ZNF347: variants seen among roughly 807,000 people sequenced by gnomAD.
The protein encoded by ZNF347 is zinc finger protein 347.
In ZNF347, 19 loss-of-function variants were observed where a neutral mutation model predicts 12.9. The ratio of observed to expected loss-of-function variants is 1.47; its 90% confidence interval spans 1.03 to 2.16. ZNF347 has a LOEUF of 2.16. Ranked by LOEUF, ZNF347 falls within the 30% of genes most tolerant of loss-of-function variation. The probability of loss-of-function intolerance (pLI) is 0.00; values close to 1 mark genes in which losing one functional copy is unlikely to be tolerated. For missense variants in ZNF347, 1,005 were observed against 990.6 expected, an observed-to-expected ratio of 1.01 and a Z score of -0.19; for synonymous variants, 328 against 340.6, an observed-to-expected ratio of 0.96 and a Z score of 0.41.
At chr19:53,149,937 C>T (rs1422162583) in intron 2 of ZNF347, among the ~76,000 whole-genome samples, 1 of 152,074 alleles carries the variant, frequency 6.6e-6, no homozygotes, top group African/African-American at 2.4e-5. Context: ...ATACCTTACC[C>T]AATAGACTGC....
At chr19:53,154,910 T>C (rs2090521949) in intron 1 of ZNF347, among the ~76,000 whole-genome samples, 1 of 151,058 alleles carries the variant, frequency 6.6e-6, no homozygotes, top group Non-Finnish European at 1.5e-5. Flanking sequence ...GAGTACTTAC[T>C]ACAGACTGAA....
rs1568632525 is a variant in ZNF347 at position 53,135,327 on chromosome 19, T to TAGAG, written c.*4980_*4981insCTCT. 2 of 42,644 alleles carry TAGAG rather than the reference T, an allele frequency of 4.7e-5. No individual in the cohort carries two copies. The highest frequency in any genetic ancestry group is 2.6e-4 in the Admixed American group (1 of 3,906). 2.6% of individuals were successfully genotyped at this position (42,644 alleles called of 1,614,324 possible). A position where few individuals can be genotyped will look rare whatever the true frequency, so the allele number is the denominator to read the frequency against. On this transcript the variant is annotated 3_prime_UTR_variant, in exon 5 of 5. Coordinates refer to ENST00000334197, the MANE Select transcript of ZNF347 (RefSeq NM_032584.3). ...ATATATATATATATATATATATATA[T>TAGAG]ATATATATATATAGAGAGAGAGAGA...
In ZNF347 at chr19:53,140,864, C is replaced by A. The variant is rs1423996982; in HGVS notation, c.1964G>T (p.Cys655Phe). The change falls in exon 5 of 5, where the codon TGT becomes TTT. Residue 655 changes from cysteine to phenylalanine, a missense_variant. Coordinates refer to ENST00000334197, the MANE Select transcript of ZNF347 (RefSeq NM_032584.3). ...VIHTGEKPYK[C>F]NECGKVFTQN... ...AGTGAAGACCTTGCCACACTCATTACATTTGTAAGGTTTTTCACCAGTATG... is the reference window on the plus strand; with the variant it reads ...AGTGAAGACCTTGCCACACTCATTAAATTTGTAAGGTTTTTCACCAGTATG... 1 of 1,613,656 alleles carries A rather than the reference C, an allele frequency of 6.2e-7. No homozygotes were observed. The highest frequency in any genetic ancestry group is 2.2e-5 in the East Asian group (1 of 44,864).
In ZNF347 at chr19:53,141,212, T is replaced by C. The variant is rs765354788; in HGVS notation, c.1616A>G (p.Lys539Arg). 3 of 1,608,374 alleles carry C rather than the reference T, an allele frequency of 1.9e-6. No individual in the cohort carries two copies. The highest frequency in any genetic ancestry group is 2.2e-5 in the East Asian group (1 of 44,860). ...ANHQRIHTGVKPYMCNECGKA... is the reference protein window; with the variant it reads ...ANHQRIHTGVRPYMCNECGKA... The stretch of plus-strand genomic sequence containing the variant: ...GCCGCACTCATTACACATATAAGGC[T>C]TCACTCCAGTATGAATTCTTTGATG... The change falls in exon 5 of 5, where the codon AAG becomes AGG. Residue 539 changes from lysine to arginine, a missense_variant. By Grantham distance (26) the Lys-to-Arg change is conservative. Coordinates refer to ENST00000334197, the MANE Select transcript of ZNF347 (RefSeq NM_032584.3).
chr19:53,149,637 A>C (rs2090485194), intron 2 of ZNF347: 5 of 461,706 alleles, frequency 1.1e-5, no homozygotes, highest in South Asian at 6.4e-5. Flanking sequence ...CACCAGAAAG[A>C]CCAAGGCTGG....
intron 4 of ZNF347, among the ~76,000 whole-genome samples, chr19:53,145,884 G>A (rs1225348457): frequency 1.3e-5 from 2 of 150,970 alleles, no homozygotes; most frequent in Non-Finnish European, 3.0e-5. Flanking sequence ...AAGTAGTAGA[G>A]GGAAAGGAAT....
At chr19:53,142,613 T>TTTACACCGAAAAACAATA (rs745729564) in intron 4 of ZNF347, 57 bp from the exon 5 acceptor site, 1 of 1,322,946 alleles carries the variant, frequency 7.6e-7, no homozygotes, top group African/African-American at 1.5e-5. Flanking sequence ...AAACAAGTAT[T>TTTACACCGAAAAACAATA]TTACACCGAA....
At chr19:53,143,861 C>G (rs2090445519) in intron 4 of ZNF347, among the ~76,000 whole-genome samples, 2 of 152,194 alleles carry the variant, frequency 1.3e-5, no homozygotes, top group South Asian at 4.1e-4. Flanking sequence ...AAAAGTGTTC[C>G]TATTTCTCCA....
Position 53,141,760 on chromosome 19 carries a change from C to T in ZNF347, c.1068G>A (p.Gln356=). 6.2e-7 allele frequency: 1 copy of T among 1,612,658 alleles called. No homozygotes were observed. Among genetic ancestry groups the T allele is most frequent in the Non-Finnish European group, 8.5e-7 (1 of 1,179,518 alleles). ...CTCGATGTCTTACAAGGTGTGAATT[C>T]TGAGTGAAGACCTTGCCACATTCGT... ...KCNECGKVFT[Q]NSHLVRHRGI... The change falls in exon 5 of 5, where the codon CAG becomes CAA. Residue 356 remains glutamine (Q), a synonymous_variant. Coordinates refer to ENST00000334197, the MANE Select transcript of ZNF347 (RefSeq NM_032584.3).
chr19:53,135,369 A>AGAG lies in ZNF347; in HGVS notation c.*4938_*4939insCTC, dbSNP rs2090382771. Reference sequence around the variant, plus strand: ...AGAGAGAGAGAGAGAGAGAGAGAGAAAGAGAGAGAGAGAGAGAGAGAGAGA... The same window carrying AGAG: ...AGAGAGAGAGAGAGAGAGAGAGAGAAGAGAGAGAGAGAGAGAGAGAGAGAGAGA... On this transcript the variant is annotated 3_prime_UTR_variant, in exon 5 of 5. Transcript: ENST00000334197. 3.5e-4 allele frequency: 31 copies of AGAG among 87,874 alleles called. No homozygotes were observed. The highest frequency in any genetic ancestry group is 1.4e-3 in the African/African-American group (30 of 22,116). The allele number at this position is 87,874 out of a possible 1,614,324, so 5.4% of individuals were successfully genotyped here.
chr19:53,151,980 C>G (rs1169885501), intron 2 of ZNF347, among the ~76,000 whole-genome samples: 2 of 150,332 alleles, frequency 1.3e-5, no homozygotes, highest in Non-Finnish European at 3.0e-5. Flanking sequence ...GTAATTCCAG[C>G]TACTCAGGAG....
In ZNF347 at chr19:53,148,776, A is replaced by T; in HGVS notation, c.176T>A (p.Met59Lys). ...GAAAGGCTCCTTCCCTTGCTCCAAC[A>T]TAGAGATAATACTGAGGTCAAAACA... ...ISCFDLSIIS[M>K]LEQGKEPFTL... Residue 59 changes from methionine (M) to lysine (K), a missense_variant, in exon 4 of 5, where the codon ATG becomes AAG. Physicochemically the swap from Met to Lys is moderately conservative, Grantham distance 95 (BLOSUM62 -1). Coordinates refer to ENST00000334197, the MANE Select transcript of ZNF347 (RefSeq NM_032584.3). The T allele has an allele frequency of 6.2e-7, 1 of 1,614,076 alleles. No homozygotes were observed. Among genetic ancestry groups the T allele is most frequent in the Non-Finnish European group, 8.5e-7 (1 of 1,179,974 alleles).
chr19:53,140,254 G>T lies in ZNF347; in HGVS notation c.*54C>A. 2 of 1,464,660 alleles carry T rather than the reference G, an allele frequency of 1.4e-6. No individual in the cohort carries two copies. The highest frequency in any genetic ancestry group is 1.4e-5 in the South Asian group (1 of 72,486). The allele number at this position is 1,464,660 out of a possible 1,614,324, so 90.7% of individuals were successfully genotyped here. On this transcript the variant is annotated 3_prime_UTR_variant, in exon 5 of 5. Coordinates refer to ENST00000334197, the MANE Select transcript of ZNF347 (RefSeq NM_032584.3). ...GCATAAATTCTCTGACGTTGTCAAAGGAATGAATTCTAACTGCAAAAGTTA... is the reference window on the plus strand; with the variant it reads ...GCATAAATTCTCTGACGTTGTCAAATGAATGAATTCTAACTGCAAAAGTTA...
chr19:53,148,839 G>T, intron 3 of ZNF347, 30 bp from the exon 4 acceptor site: 1 of 1,608,394 alleles, frequency 6.2e-7, no homozygotes, highest in Non-Finnish European at 8.5e-7. Flanking sequence ...AAAACAATGG[G>T]CTGTAGATTT....
chr19:53,137,259 A>AT lies in ZNF347; in HGVS notation c.*3048dup, dbSNP rs2090392640. 6.6e-6 allele frequency: 1 copy of AT among 151,986 alleles called. No individual in the cohort carries two copies. The highest frequency in any genetic ancestry group is 1.9e-4 in the East Asian group (1 of 5,160). 9.4% of individuals were successfully genotyped at this position (151,986 alleles called of 1,614,324 possible). A position where few individuals can be genotyped will look rare whatever the true frequency, so the allele number is the denominator to read the frequency against. ...TACTACAGTCAGTTTCCATTTTGTG[A>AT]TTTTTGTCTTATACCACCATTTATA... On this transcript the variant is annotated 3_prime_UTR_variant, in exon 5 of 5. Transcript: ENST00000334197.
Position 53,148,688 on chromosome 19 carries a change from C to A in ZNF347, c.264G>T (p.Val88=). 1.2e-6 allele frequency: 2 copies of A among 1,612,548 alleles called. No individual in the cohort carries two copies. The highest frequency in any genetic ancestry group is 1.7e-5 in the Admixed American group (1 of 59,916). The change falls in exon 4 of 5, where the codon GTG becomes GTT. Residue 88 remains valine, a synonymous_variant. Transcript: ENST00000334197. ...ACCCATCTGAACTCTTACCTGTGAT[C>A]ACAGCTTTGATCCATTCCCATCCAT... ...NPDGWEWIKA[V]ITALSSEFVM... is the part of the protein sequence containing the mutation.
chr19:53,137,506 A>G lies in ZNF347; in HGVS notation c.*2802T>C, dbSNP rs1337503150. ...GGAAGTCAATCCTGCTTCTCACAGA[A>G]AGCCTCATTATGCAATACACATTTC... is the stretch of plus-strand genomic sequence containing the variant. On this transcript the variant is annotated 3_prime_UTR_variant, in exon 5 of 5. Transcript: ENST00000334197. 1 of 152,146 alleles carries G rather than the reference A, an allele frequency of 6.6e-6. No homozygotes were observed. Among genetic ancestry groups the G allele is most frequent in the Non-Finnish European group, 1.5e-5 (1 of 68,036 alleles). The allele number at this position is 152,146 out of a possible 1,614,324, so 9.4% of individuals were successfully genotyped here. A position where few individuals can be genotyped will look rare whatever the true frequency, so the allele number is the denominator to read the frequency against.
chr19:53,157,433 G>GT (rs934187491), intron 1 of ZNF347, among the ~76,000 whole-genome samples: 4 of 151,820 alleles, frequency 2.6e-5, no homozygotes, highest in Middle Eastern at 3.2e-3. Context: ...TATTTTCTGT[G>GT]TTTTTCCCCT....
intron 2 of ZNF347, among the ~76,000 whole-genome samples, chr19:53,149,778 C>G (rs2090486227): frequency 6.6e-6 from 1 of 152,050 alleles, no homozygotes; most frequent in Non-Finnish European, 1.5e-5. Flanking sequence ...CCATAATAAC[C>G]CGAAAGGACA....
Sources: gnomAD v4.1 joint callset for allele counts (sites outside exome capture counted in the v4.1 genomes callset) on GRCh38, gnomAD v4.1.1 for gene constraint, MANE v1.5 for transcripts, NCBI Gene and HGNC (gene_info 2026-07-23, HGNC 2026-07-21) for gene names.